TRIM3: variants seen among roughly 807,000 people sequenced by gnomAD.
TRIM3 encodes tripartite motif-containing protein 3.
Under a neutral mutation model 66.6 loss-of-function variants are expected in TRIM3, and 13 were observed. The observed-to-expected ratio is 0.20, with a 90% confidence interval of 0.13 to 0.31. The LOEUF (loss-of-function observed/expected upper bound fraction) is 0.31, where lower values mean the gene tolerates loss of function less well. Among genes scored for constraint, TRIM3 ranks in the 10% least tolerant of loss-of-function variants. The pLI, the probability that TRIM3 is intolerant of heterozygous loss-of-function variation, is 1.00. For synonymous variants in TRIM3, 406 were observed against 411.7 expected (o/e 0.99, Z 0.17); for missense variants, 711 against 1,020.4 (o/e 0.70, Z 4.13).
At chr11:6,470,292 G>A (rs1362165493) in intron 1 of TRIM3, among the ~76,000 whole-genome samples, 2 of 152,244 alleles carry the variant, frequency 1.3e-5, no homozygotes, top group Non-Finnish European at 2.9e-5. Flanking sequence ...TACATGTGAA[G>A]AGTTAGGGGA....
chr11:6,462,291 A>G (rs1416496839), intron 2 of TRIM3, among the ~76,000 whole-genome samples: 1 of 152,256 alleles, frequency 6.6e-6, no homozygotes, highest in Non-Finnish European at 1.5e-5. Context: ...CTCTGAGAGC[A>G]GGGACCAAGG....
chr11:6,456,109 C>T lies in TRIM3; in HGVS notation c.1496G>A (p.Arg499His), dbSNP rs964690874. ...GTTGTTGCTGTCTGCTACCACGATG[C>T]GGCCGCTGCTGGCTGCGGACACACC... Reference protein sequence around the residue: ...LQGVSAASSGRIVVADSNNQC... With the variant: ...LQGVSAASSGHIVVADSNNQC... The change falls in exon 7 of 12, where the codon CGC (arginine) becomes CAC (histidine). Residue 499 changes from arginine to histidine, a missense_variant. Arg to His is a conservative substitution (Grantham distance 29). Transcript: ENST00000345851. The surrounding 1 kb of genome is among the most constrained non-coding windows in gnomAD (Gnocchi z 6.4). 10 of 1,614,164 alleles carry T rather than the reference C, an allele frequency of 6.2e-6. No individual in the cohort carries two copies. The highest frequency in any genetic ancestry group is 8.5e-6 in the Non-Finnish European group (10 of 1,180,024).
chr11:6,457,371 G>T lies in TRIM3; in HGVS notation c.621C>A (p.Asp207Glu). The T allele has an allele frequency of 1.9e-6, 3 of 1,613,908 alleles. No homozygotes were observed. Among genetic ancestry groups the T allele is most frequent in the Non-Finnish European group, 1.7e-6 (2 of 1,179,840 alleles). Reference sequence around the variant, plus strand: ...TGCGCTGCTGCAGTGCTTGCTCCAGGTCCTCGAACGCTGCACTGATCTGGG... The same window carrying T: ...TGCGCTGCTGCAGTGCTTGCTCCAGTTCCTCGAACGCTGCACTGATCTGGG... ...ALAQISAAFEDLEQALQQRKQ... is the reference protein window; with the variant it reads ...ALAQISAAFEELEQALQQRKQ... The change falls in exon 5 of 12, where the codon GAC becomes GAA. Residue 207 changes from aspartate to glutamate, a missense_variant. Asp to Glu is a conservative substitution (Grantham distance 45, BLOSUM62 2). Around this residue, in one of 3 missense-constraint regions of TRIM3, gnomAD observed 399 missense variants for 458.1 expected, o/e 0.87. Coordinates refer to ENST00000345851, the MANE Select transcript of TRIM3 (RefSeq NM_033278.4). This position sits in a 1 kb window ranked among gnomAD's most constrained non-coding sequence, Gnocchi z 4.5.
At chr11:6,469,832 T>C (rs1015813425) in intron 1 of TRIM3, among the ~76,000 whole-genome samples, 11 of 151,820 alleles carry the variant, frequency 7.2e-5, no homozygotes, top group African/African-American at 2.7e-4. Context: ...GGTCCAGAGG[T>C]TGGAGGCCAA....
chr11:6,452,219 C>A (rs1045865194), intron 7 of TRIM3: 1 of 152,256 alleles, frequency 6.6e-6, no homozygotes, highest in Non-Finnish European at 1.5e-5. Context: ...ACAGAGTGAA[C>A]CTTTCAACCT....
chr11:6,456,346 G>A lies in TRIM3; in HGVS notation c.1380C>T (p.Gly460=), dbSNP rs747276515. 2.6e-6 allele frequency: 4 copies of A among 1,541,160 alleles called. No homozygotes were observed. Among genetic ancestry groups the A allele is most frequent in the Non-Finnish European group, 3.5e-6 (4 of 1,140,530 alleles). The change falls in exon 6 of 12, where the codon GGC becomes GGT. Residue 460 remains glycine, a synonymous_variant. Coordinates refer to ENST00000345851, the MANE Select transcript of TRIM3 (RefSeq NM_033278.4). The surrounding 1 kb of genome is among the most constrained non-coding windows in gnomAD (Gnocchi z 6.4). ...CAATTGGGTTGTCCTTTCGTTTGCC[G>A]CCTGTGCTGTACATGGAGCTGGGCC... ...VRRPSSMYST[G]GKRKDNPIED...
Position 6,448,948 on chromosome 11 carries a change from G to T in TRIM3, c.*80C>A. On this transcript the variant is annotated 3_prime_UTR_variant, in exon 12 of 12. Transcript: ENST00000345851. ...GCCCACATTCAGTGCTGCCAGGTCT[G>T]GCCCACCTCCCAGCCAGACCCTCTT... 1 of 1,574,248 alleles carries T rather than the reference G, an allele frequency of 6.4e-7. No homozygotes were observed. The highest frequency in any genetic ancestry group is 8.7e-7 in the Non-Finnish European group (1 of 1,149,620).
At position 6,456,223 on chromosome 11, in the gene TRIM3, A is replaced by T; in HGVS notation, c.1430-48T>A. 1.5e-5 allele frequency: 24 copies of T among 1,607,924 alleles called. No homozygotes were observed. The highest frequency in any genetic ancestry group is 2.0e-5 in the Non-Finnish European group (23 of 1,175,422). On this transcript the variant is annotated intron_variant, in intron 6 of 11. Transcript: ENST00000345851. The surrounding 1 kb of genome is among the most constrained non-coding windows in gnomAD (Gnocchi z 6.4). ...AAACAAAATAATTCATTCAGAGGTC[A>T]TCTTGAACCTCCCTTCCCTCCCCAC...
rs977077205 is a variant in TRIM3 at position 6,448,861 on chromosome 11, T to C, written c.*167A>G. ...GTCACCAAAGCAAGAACCGAATAAA[T>C]AAAGTGCAACCGTGGGGGTGGGGGT... is the stretch of plus-strand genomic sequence containing the variant. On this transcript the variant is annotated 3_prime_UTR_variant, in exon 12 of 12. Coordinates refer to ENST00000345851, the MANE Select transcript of TRIM3 (RefSeq NM_033278.4). 1.3e-6 allele frequency: 1 copy of C among 786,520 alleles called. No individual in the cohort carries two copies. Among genetic ancestry groups the C allele is most frequent in the Non-Finnish European group, 2.1e-6 (1 of 482,440 alleles). 48.7% of individuals were successfully genotyped at this position (786,520 alleles called of 1,614,324 possible).
intron 2 of TRIM3, among the ~76,000 whole-genome samples, chr11:6,460,639 A>G (rs1347360640): frequency 6.6e-6 from 1 of 152,190 alleles, no homozygotes; most frequent in Non-Finnish European, 1.5e-5. Flanking sequence ...CAGATTAGTC[A>G]GTGATGGGAG....
At position 6,458,374 on chromosome 11, in the gene TRIM3, C is replaced by G. The variant is rs933247582; in HGVS notation, c.132-78G>C. ...CCCTTCCTTATACTTCCCATGGGTGCCAACCCCTTCCCTCACAGGTGTGCC... is the reference window on the plus strand; with the variant it reads ...CCCTTCCTTATACTTCCCATGGGTGGCAACCCCTTCCCTCACAGGTGTGCC... On this transcript the variant is annotated intron_variant, in intron 2 of 11. Transcript: ENST00000345851. This position sits in a 1 kb window ranked among gnomAD's most constrained non-coding sequence, Gnocchi z 6.2. 16 of 1,156,966 alleles carry G rather than the reference C, an allele frequency of 1.4e-5. No individual in the cohort carries two copies. The highest frequency in any genetic ancestry group is 1.3e-6 in the Non-Finnish European group (1 of 795,272). 71.7% of individuals were successfully genotyped at this position (1,156,966 alleles called of 1,614,324 possible). A position where few individuals can be genotyped will look rare whatever the true frequency, so the allele number is the denominator to read the frequency against.
chr11:6,451,667 G>T (rs751940292), intron 7 of TRIM3: 1 of 547,558 alleles, frequency 1.8e-6, no homozygotes, highest in Non-Finnish European at 3.2e-6. Flanking sequence ...GTGAGAAAAG[G>T]CTCCAAGAGA....
chr11:6,467,498 G>A (rs1850515758), intron 1 of TRIM3, among the ~76,000 whole-genome samples: 1 of 152,206 alleles, frequency 6.6e-6, no homozygotes, highest in Non-Finnish European at 1.5e-5. Context: ...GGGTGCAGTG[G>A]CTCATACCTG....
rs924841002 is a variant in TRIM3 at position 6,458,590 on chromosome 11, G to C, written c.132-294C>G. Among the ~76,000 whole-genome samples the C allele has an allele frequency of 6.6e-6, 1 of 152,132 alleles. No homozygotes were observed. The highest frequency in any genetic ancestry group is 2.4e-5 in the African/African-American group (1 of 41,428). On this transcript the variant is annotated intron_variant, in intron 2 of 11. Coordinates refer to ENST00000345851, the MANE Select transcript of TRIM3 (RefSeq NM_033278.4). This position sits in a 1 kb window ranked among gnomAD's most constrained non-coding sequence, Gnocchi z 6.2. ...TTACAAATGCTTCTCATAGGAATGT[G>C]CAACTAGGCACCCCCTGCCCAACTT...
At chr11:6,463,457 G>T (rs1001214871) in intron 2 of TRIM3, among the ~76,000 whole-genome samples, 1 of 152,176 alleles carries the variant, frequency 6.6e-6, no homozygotes, top group Non-Finnish European at 1.5e-5. Context: ...ACAGGAGAAA[G>T]TGCAGAGACA....
chr11:6,473,915 G>C lies in TRIM3; in HGVS notation c.-162C>G, dbSNP rs947671731. On this transcript the variant is annotated 5_prime_UTR_variant, in exon 1 of 12. Coordinates refer to ENST00000345851, the MANE Select transcript of TRIM3 (RefSeq NM_033278.4). ...CCGCGCCTCCGCCTGTCCCCGCGCC[G>C]GCGCCGCCGCCGGACTAGCCGCACA... 6.6e-6 allele frequency: 1 copy of C among 151,994 alleles called. No individual in the cohort carries two copies. Among genetic ancestry groups the C allele is most frequent in the Admixed American group, 6.6e-5 (1 of 15,214 alleles). The allele number at this position is 151,994 out of a possible 1,614,324, so 9.4% of individuals were successfully genotyped here.
chr11:6,465,727 C>A lies in TRIM3; in HGVS notation c.-32G>T. On this transcript the variant is annotated 5_prime_UTR_variant, in exon 2 of 12. Coordinates refer to ENST00000345851, the MANE Select transcript of TRIM3 (RefSeq NM_033278.4). ...CACAGATGGCTCCCGCCACTCACACCAGCCTCTGTATGGAGAGATGGTCAG... is the reference window on the plus strand; with the variant it reads ...CACAGATGGCTCCCGCCACTCACACAAGCCTCTGTATGGAGAGATGGTCAG... 6.2e-7 allele frequency: 1 copy of A among 1,613,468 alleles called. No individual in the cohort carries two copies. The highest frequency in any genetic ancestry group is 8.5e-7 in the Non-Finnish European group (1 of 1,179,742).
intron 2 of TRIM3, among the ~76,000 whole-genome samples, chr11:6,459,714 G>A (rs934256575): frequency 1.4e-3 from 219 of 152,172 alleles, no homozygotes; most frequent in Non-Finnish European, 1.8e-3. Context: ...TAAGAAGGAG[G>A]GAAGGTGGGA....
At chr11:6,461,272 C>T (rs1347069854) in intron 2 of TRIM3, among the ~76,000 whole-genome samples, 1 of 151,712 alleles carries the variant, frequency 6.6e-6, no homozygotes, top group Non-Finnish European at 1.5e-5. Flanking sequence ...CTGTCTCATA[C>T]TCCACACTCC....
Sources: gnomAD v4.1 joint callset for allele counts (sites outside exome capture counted in the v4.1 genomes callset) on GRCh38, gnomAD v4.1.1 for gene constraint, gnomAD v4.1.1 regional missense constraint, Gnocchi (gnomAD v3.1) non-coding constraint, MANE v1.5 for transcripts, NCBI Gene and HGNC (gene_info 2026-07-23, HGNC 2026-07-21) for gene names.